Variants in STXBP5L observed in about 807,000 individuals in gnomAD.
STXBP5L encodes the protein syntaxin binding protein 5L.
In STXBP5L, 65 loss-of-function variants were observed where a neutral mutation model predicts 144.5. That is an observed-to-expected ratio of 0.45 (90% confidence interval 0.37 to 0.55). The LOEUF (loss-of-function observed/expected upper bound fraction) is 0.55, where lower values mean the gene tolerates loss of function less well. Among genes scored for constraint, STXBP5L ranks in the 20% least tolerant of loss-of-function variants. STXBP5L has a pLI of 0.00. For missense variants in STXBP5L, 1,298 were observed against 1,405.5 expected (o/e 0.92, Z 1.22); for synonymous variants, 505 against 469.6 (o/e 1.08, Z -0.97).
intron 3 of STXBP5L, among the ~76,000 whole-genome samples, chr3:121,033,760 AGT>A (rs1946552142): frequency 6.6e-6 from 1 of 151,812 alleles, no homozygotes; most frequent in Non-Finnish European, 1.5e-5. Context: ...GATAAATTAT[AGT>A]GTTTTATATA....
At chr3:121,138,203 G>T (rs917962276) in intron 7 of STXBP5L, among the ~76,000 whole-genome samples, 3 of 151,878 alleles carry the variant, frequency 2.0e-5, no homozygotes, top group Non-Finnish European at 2.9e-5. Flanking sequence ...TAAATTTAAG[G>T]AGGTGAAAGG....
At chr3:121,413,602 A>C (rs952942598) in intron 24 of STXBP5L, among the ~76,000 whole-genome samples, 9 of 152,142 alleles carry the variant, frequency 5.9e-5, no homozygotes, top group Non-Finnish European at 8.8e-5. Context: ...GAATCTTATA[A>C]AAGATTATAA....
intron 9 of STXBP5L, among the ~76,000 whole-genome samples, chr3:121,200,689 G>C (rs969768175): frequency 1.3e-5 from 2 of 151,982 alleles, no homozygotes; most frequent in Non-Finnish European, 2.9e-5. Flanking sequence ...CTCTCTCTTT[G>C]TTCTCATTGG....
chr3:121,332,715 A>G (rs2044361071), intron 20 of STXBP5L, among the ~76,000 whole-genome samples: 1 of 152,194 alleles, frequency 6.6e-6, no homozygotes, highest in South Asian at 2.1e-4. Flanking sequence ...TAATTAAGGA[A>G]AACTTCACTG....
intron 5 of STXBP5L, among the ~76,000 whole-genome samples, chr3:121,092,118 C>T (rs184053954): frequency 1.6e-3 from 239 of 152,154 alleles, no homozygotes; most frequent in Admixed American, 3.3e-3. Flanking sequence ...GGGCTCTGTT[C>T]TATTGGTCTA....
chr3:121,345,395 A>C (rs916486508), intron 20 of STXBP5L, among the ~76,000 whole-genome samples: 2 of 152,136 alleles, frequency 1.3e-5, no homozygotes, highest in African/African-American at 2.4e-5. Flanking sequence ...CATTTTCTTA[A>C]TTCAGCCTAT....
intron 18 of STXBP5L, among the ~76,000 whole-genome samples, chr3:121,268,574 G>T (rs1387041412): frequency 6.6e-6 from 1 of 151,878 alleles, no homozygotes; most frequent in African/African-American, 2.4e-5. Flanking sequence ...ATAACTGAAA[G>T]ATATATATTG....
chr3:121,138,669 T>C (rs746662308), intron 7 of STXBP5L, among the ~76,000 whole-genome samples: 20 of 152,108 alleles, frequency 1.3e-4, no homozygotes, highest in Non-Finnish European at 2.4e-4. Context: ...AAGGAAAGTC[T>C]CCTTAATAAA....
At chr3:121,051,031 C>T (rs1315979224) in intron 5 of STXBP5L, among the ~76,000 whole-genome samples, 6 of 152,178 alleles carry the variant, frequency 3.9e-5, no homozygotes, top group Admixed American at 1.3e-4. Flanking sequence ...ACAAGAAGAG[C>T]TAACTATCCT....
intron 3 of STXBP5L, among the ~76,000 whole-genome samples, chr3:120,965,155 T>C (rs974585563): frequency 3.9e-5 from 6 of 152,212 alleles, no homozygotes; most frequent in Non-Finnish European, 8.8e-5. Flanking sequence ...CATCTCTTTA[T>C]TTTGAGCCTA....
chr3:120,989,636 TTA>T (rs1285710776), intron 3 of STXBP5L, among the ~76,000 whole-genome samples: 2 of 152,114 alleles, frequency 1.3e-5, no homozygotes, highest in African/African-American at 4.8e-5. Context: ...AACTCGAATT[TTA>T]TGTTTCTGCA....
At chr3:121,418,595 G>T (rs1411106094) in intron 26 of STXBP5L, 38 bp downstream of exon 26, 1 of 1,593,342 alleles carries the variant, frequency 6.3e-7, no homozygotes, top group Non-Finnish European at 8.6e-7. Context: ...CTTCATACAG[G>T]AGTAACTTTA....
At chr3:121,216,075 CTAGTTAG>C (rs1376666001) in intron 10 of STXBP5L, among the ~76,000 whole-genome samples, 4 of 152,120 alleles carry the variant, frequency 2.6e-5, no homozygotes, top group African/African-American at 9.7e-5. Flanking sequence ...ACTGGTTATT[CTAGTTAG>C]TAGTTCCTCT....
Position 120,974,767 on chromosome 3 carries a change from C to T in STXBP5L, c.287+19730C>T, listed in dbSNP as rs1007889633. ...GTTTCAGCTTTCTACATATGGCTAG[C>T]CAGTTTTCCCAGCACCATTTATTAA... On this transcript the variant is annotated intron_variant, in intron 3 of 26. Transcript: ENST00000471454. Among the ~76,000 whole-genome samples, 6 of 152,248 alleles carry T rather than the reference C, an allele frequency of 3.9e-5. No individual in the cohort carries two copies. The South Asian group carries it at 8.3e-4, about 21-fold the overall frequency.
At chr3:121,257,429 C>A (rs1577318894) in intron 17 of STXBP5L, 96 bp downstream of exon 17, 1 of 1,177,580 alleles carries the variant, frequency 8.5e-7, no homozygotes, top group Non-Finnish European at 1.2e-6. Flanking sequence ...TATTATCAAG[C>A]TATTGTCAGG....
At chr3:121,030,044 A>G (rs1455905751) in intron 3 of STXBP5L, among the ~76,000 whole-genome samples, 1 of 152,138 alleles carries the variant, frequency 6.6e-6, no homozygotes, top group Non-Finnish European at 1.5e-5. Context: ...GCTGGAGAGG[A>G]TGTGGAGAAA....
intron 14 of STXBP5L, among the ~76,000 whole-genome samples, chr3:121,241,132 G>T (rs1420267453): frequency 1.3e-5 from 2 of 152,098 alleles, no homozygotes; most frequent in East Asian, 3.8e-4. Context: ...ATCAGACCAA[G>T]TAGGACCCCT....
chr3:120,911,154 A>T (rs986175739), intron 2 of STXBP5L, among the ~76,000 whole-genome samples: 3 of 152,126 alleles, frequency 2.0e-5, no homozygotes, highest in African/African-American at 7.2e-5. Flanking sequence ...CAGAGGTAAA[A>T]CTGGTATAGG....
At chr3:121,391,706 C>T (rs963653183) in intron 22 of STXBP5L, among the ~76,000 whole-genome samples, 2 of 152,196 alleles carry the variant, frequency 1.3e-5, no homozygotes, top group African/African-American at 4.8e-5. Flanking sequence ...CTTGGTATCA[C>T]CAGCAGAAGC....
Sources: gnomAD v4.1 joint callset for allele counts (sites outside exome capture counted in the v4.1 genomes callset) on GRCh38, gnomAD v4.1.1 for gene constraint, MANE v1.5 for transcripts, NCBI Gene and HGNC (gene_info 2026-07-23, HGNC 2026-07-21) for gene names.